The following UNC13C variants were observed in gnomAD, a reference collection of about 807,000 sequenced individuals.
UNC13C encodes unc-13 homolog C.
Under a neutral mutation model 245.4 loss-of-function variants are expected in UNC13C, and 174 were observed. The ratio of observed to expected loss-of-function variants is 0.71; its 90% CI spans 0.63 to 0.80. UNC13C has a LOEUF of 0.80. UNC13C is among the 30% of genes least tolerant of loss of function. The pLI is 0.00. For missense variants in UNC13C, 2,829 were observed against 2,602.9 expected (o/e 1.09, Z -1.89); for synonymous variants, 992 against 895.1 (o/e 1.11, Z -1.93).
chr15:54,142,959 A>T (rs2032090836), intron 2 of UNC13C, 59 bp from the exon 3 acceptor site: 2 of 1,473,280 alleles, frequency 1.4e-6, no homozygotes, highest in African/African-American at 2.8e-5. Context: ...ATGTTTAAAC[A>T]ATTTCTTGAA....
intron 2 of UNC13C, among the ~76,000 whole-genome samples, chr15:54,098,934 C>T (rs1201170047): frequency 6.6e-6 from 1 of 152,182 alleles, no homozygotes; most frequent in African/African-American, 2.4e-5. Flanking sequence ...AAAGTCTGAC[C>T]ACAACTGCCT....
At chr15:54,466,403 C>T (rs1391520865) in intron 19 of UNC13C, among the ~76,000 whole-genome samples, 1 of 151,940 alleles carries the variant, frequency 6.6e-6, no homozygotes, top group Non-Finnish European at 1.5e-5. Flanking sequence ...GATCATTTCA[C>T]ATAGTATGCA....
chr15:54,586,423 T>A (rs1344652297), intron 30 of UNC13C, among the ~76,000 whole-genome samples: 1 of 152,184 alleles, frequency 6.6e-6, no homozygotes, highest in Non-Finnish European at 1.5e-5. Flanking sequence ...ACAGTTACCT[T>A]TTCATTCTGT....
At chr15:53,874,419 A>G in the UNC13C span, among the ~76,000 whole-genome samples, 2 of 152,206 alleles carry the variant, frequency 1.3e-5, no homozygotes, top group African/African-American at 4.8e-5. Context: ...AGTACCAGGA[A>G]TGTCTGACTT....
intron 10 of UNC13C, among the ~76,000 whole-genome samples, chr15:54,280,673 T>A (rs571304951): frequency 0.15 from 13,308 of 91,678 alleles, 718 homozygotes; most frequent in African/African-American, 0.23. Context: ...TACATACATA[T>A]ACATATATAC....
intron 30 of UNC13C, among the ~76,000 whole-genome samples, chr15:54,604,409 A>G (rs1007208062): frequency 1.3e-5 from 2 of 152,214 alleles, no homozygotes; most frequent in Non-Finnish European, 2.9e-5. Context: ...AAAGAAAACA[A>G]AAGAAAAACA....
rs551090404 is a variant in UNC13C, at chr15:54,003,091, A to AT, written c.-256-9552dup. On this transcript the variant is annotated intron_variant, in intron 1 of 32. Coordinates refer to ENST00000260323, the MANE Select transcript of UNC13C (RefSeq NM_001080534.3). ...CTGTAGAGGGTTTCTGAAGGCCGCA[A>AT]TTTTTGTGGAAGCAGTGAAGTGGGA... is the stretch of plus-strand genomic sequence containing the variant. Among the ~76,000 whole-genome samples, 564 of 152,226 alleles carry AT rather than the reference A, an allele frequency of 3.7e-3. 2 individuals are homozygous for AT. The highest frequency in any genetic ancestry group is 6.3e-3 in the Non-Finnish European group (427 of 68,014).
chr15:54,398,498 T>C (rs2040117124), intron 18 of UNC13C, among the ~76,000 whole-genome samples: 1 of 151,344 alleles, frequency 6.6e-6, no homozygotes, highest in South Asian at 2.1e-4. Context: ...CCAGTATAAT[T>C]TGCCAAAAGA....
intron 13 of UNC13C, chr15:54,321,363 T>C: frequency 2.1e-6 from 1 of 480,840 alleles, no homozygotes; most frequent in Non-Finnish European, 4.1e-6. Context: ...CACCAAGATC[T>C]TTTTCAAATT....
intron 4 of UNC13C, among the ~76,000 whole-genome samples, chr15:54,209,834 A>G (rs2034826090): frequency 6.6e-6 from 1 of 152,152 alleles, no homozygotes; most frequent in Non-Finnish European, 1.5e-5. Flanking sequence ...AACTAGTGCA[A>G]CTTCTTTAGA....
chr15:53,885,555 A>C, the UNC13C span, among the ~76,000 whole-genome samples: 8 of 152,194 alleles, frequency 5.3e-5, no homozygotes, highest in Non-Finnish European at 1.2e-4. Context: ...TTCTTCATAA[A>C]ACCTAAGCAT....
At chr15:54,531,659 A>C (rs909907678) in intron 25 of UNC13C, among the ~76,000 whole-genome samples, 1 of 151,726 alleles carries the variant, frequency 6.6e-6, no homozygotes, top group African/African-American at 2.4e-5. Context: ...TTTTTTTAAC[A>C]ACAAATTTTA....
rs990909601 is a variant in UNC13C, at chr15:54,627,556, T to C, written c.*443T>C. Reference sequence around the variant, plus strand: ...TACCCTTTTCTACCATAACTAGAAATGCAGTCACTTCTAGAAAGCATTTGT... The same window carrying C: ...TACCCTTTTCTACCATAACTAGAAACGCAGTCACTTCTAGAAAGCATTTGT... On this transcript the variant is annotated 3_prime_UTR_variant, in exon 33 of 33. Coordinates refer to ENST00000260323, the MANE Select transcript of UNC13C (RefSeq NM_001080534.3). 6.5e-6 allele frequency: 1 copy of C among 153,824 alleles called. No homozygotes were observed. The highest frequency in any genetic ancestry group is 2.4e-5 in the African/African-American group (1 of 41,462). 9.5% of individuals were successfully genotyped at this position (153,824 alleles called of 1,614,324 possible).
intron 10 of UNC13C, among the ~76,000 whole-genome samples, chr15:54,267,953 T>G (rs764813052): frequency 5.3e-5 from 8 of 151,992 alleles, no homozygotes; most frequent in African/African-American, 9.7e-5. Flanking sequence ...TCTTTCTTTT[T>G]TTTTAAATTT....
chr15:54,403,672 A>G, intron 18 of UNC13C, among the ~76,000 whole-genome samples: 1 of 146,364 alleles, frequency 6.8e-6, no homozygotes, highest in East Asian at 2.0e-4. Context: ...AGCCAAGGCA[A>G]CACTCTGAGC....
chr15:54,388,574 T>C (rs1371882967), intron 17 of UNC13C, among the ~76,000 whole-genome samples: 2 of 152,202 alleles, frequency 1.3e-5, no homozygotes, highest in Non-Finnish European at 2.9e-5. Flanking sequence ...ATCTGCAAGA[T>C]ATTTTTATTA....
chr15:54,316,695 T>A (rs2038017235), intron 13 of UNC13C, among the ~76,000 whole-genome samples: 1 of 151,948 alleles, frequency 6.6e-6, no homozygotes, highest in African/African-American at 2.4e-5. Context: ...GTAGAGAAGC[T>A]AAGCTCTTCA....
At chr15:54,605,350 G>A (rs1031225206) in intron 30 of UNC13C, among the ~76,000 whole-genome samples, 4 of 152,096 alleles carry the variant, frequency 2.6e-5, no homozygotes, top group African/African-American at 7.2e-5. Context: ...TGCTCTTCCT[G>A]TGTGCTTCCA....
At chr15:53,876,395 T>C in the UNC13C span, among the ~76,000 whole-genome samples, 1 of 152,214 alleles carries the variant, frequency 6.6e-6, no homozygotes, top group Admixed American at 6.5e-5. Flanking sequence ...AAGGATTGAC[T>C]GAATGCCGTG....
Sources: allele counts gnomAD v4.1 joint callset (sites outside exome capture counted in the v4.1 genomes callset), GRCh38; gene constraint gnomAD v4.1.1; transcripts MANE v1.5; gene names NCBI Gene and HGNC (gene_info 2026-07-23, HGNC 2026-07-21).